Variants in ABR observed in about 807,000 individuals in gnomAD.
ABR encodes ABR activator of RhoGEF and GTPase, also known as active breakpoint cluster region-related protein.
A neutral mutation model predicts 107.2 loss-of-function variants in ABR; 35 were observed. The ratio of observed to expected loss-of-function variants is 0.33; its 90% CI spans 0.25 to 0.43. The LOEUF (loss-of-function observed/expected upper bound fraction) is 0.43. Among genes scored for constraint, ABR ranks in the 20% least tolerant of loss-of-function variants. The pLI is 1.00. For synonymous variants in ABR, 498 were observed against 462.0 expected, an observed-to-expected ratio of 1.08 and a Z score of -1.00; for missense variants, 815 against 1,115.2, an observed-to-expected ratio of 0.73 and a Z score of 3.83.
intron 1 of ABR, among the ~76,000 whole-genome samples, chr17:1,127,144 T>C (rs1336467061): frequency 6.6e-6 from 1 of 152,236 alleles, no homozygotes; most frequent in African/African-American, 2.4e-5. Flanking sequence ...TCCTCGTCCC[T>C]GAGCCAATGC....
At chr17:1,114,980 C>T (rs2038917327) in intron 2 of ABR, among the ~76,000 whole-genome samples, 1 of 152,186 alleles carries the variant, frequency 6.6e-6, no homozygotes, top group Non-Finnish European at 1.5e-5. Context: ...GACAAAATCT[C>T]TCTCTCGTGA....
rs973215790 is a variant in ABR, at chr17:1,148,621, G to A, written c.62-23254C>T. 7.9e-5 allele frequency among the ~76,000 whole-genome samples: 12 copies of A among 152,196 alleles called. No homozygotes were observed. Among genetic ancestry groups the A allele is most frequent in the African/African-American group, 2.7e-4 (11 of 41,450 alleles). On this transcript the variant is annotated intron_variant, in intron 1 of 22. Transcript: ENST00000302538. This position sits in a 1 kb window ranked among gnomAD's most constrained non-coding sequence, Gnocchi z 4.9. ...AGCGGCATTAGGTTCTCGTAGGAGC[G>A]TGAGCCCTGTCGTGATCTGCGCGTG...
intron 1 of ABR, among the ~76,000 whole-genome samples, chr17:1,175,080 T>C (rs1035384969): frequency 1.3e-5 from 2 of 152,150 alleles, no homozygotes; most frequent in Non-Finnish European, 2.9e-5. Flanking sequence ...GATACGTGTT[T>C]AGCAGAAAGG....
intron 3 of ABR, among the ~76,000 whole-genome samples, chr17:1,095,264 C>T (rs1024444325): frequency 4.6e-5 from 7 of 152,306 alleles, no homozygotes; most frequent in Admixed American, 1.3e-4. Context: ...CTTCCCACCC[C>T]GTCTGCAAAA....
Position 1,012,673 on chromosome 17 carries a change from C to CT in ABR, c.1961+14_1961+15insA. On this transcript the variant is annotated intron_variant, in intron 18 of 22. Transcript: ENST00000302538. ...GCACCGACGCCAGGACTGGGAGACCCGAGGCAGCACCTACTTCGTCACCAC... is the reference window on the plus strand; with the variant it reads ...GCACCGACGCCAGGACTGGGAGACCCTGAGGCAGCACCTACTTCGTCACCAC... 1 of 1,558,350 alleles carries CT rather than the reference C, an allele frequency of 6.4e-7. No individual in the cohort carries two copies. Among genetic ancestry groups the CT allele is most frequent in the Non-Finnish European group, 8.7e-7 (1 of 1,149,054 alleles).
At chr17:1,035,969 G>A (rs2073155373) in intron 16 of ABR, among the ~76,000 whole-genome samples, 1 of 151,972 alleles carries the variant, frequency 6.6e-6, no homozygotes, top group Admixed American at 6.5e-5. Context: ...TGTGCGAGCG[G>A]GAGGGGCAAA....
Position 1,111,982 on chromosome 17 carries a change from C to T in ABR, c.247-11247G>A, listed in dbSNP as rs114404441. Among the ~76,000 whole-genome samples, 166 of 152,368 alleles carry T rather than the reference C, an allele frequency of 1.1e-3. 1 individual carries two copies. Among genetic ancestry groups the T allele is most frequent in the African/African-American group, 3.8e-3 (158 of 41,582 alleles). On this transcript the variant is annotated intron_variant, in intron 2 of 22. Coordinates refer to ENST00000302538, the MANE Select transcript of ABR (RefSeq NM_021962.5). ...TTCCGGGTTTCCACTTCTGTTAGTG[C>T]GGCCGCCATCTTACGAGTCTTCCTT...
upstream of ABR, among the ~76,000 whole-genome samples, chr17:1,189,079 C>A (rs989082471): frequency 6.6e-6 from 1 of 152,186 alleles, no homozygotes; most frequent in Non-Finnish European, 1.5e-5. Flanking sequence ...CAGTCCGGTG[C>A]CAGGAGCTGG....
At chr17:1,046,410 A>ACAGGCG in intron 16 of ABR, among the ~76,000 whole-genome samples, 2 of 151,950 alleles carry the variant, frequency 1.3e-5, no homozygotes, top group African/African-American at 4.8e-5. Flanking sequence ...TGCTGGGATT[A>ACAGGCG]TGGGCGCGTG....
At chr17:1,017,738 G>A (rs1005610142) in intron 16 of ABR, among the ~76,000 whole-genome samples, 9 of 151,884 alleles carry the variant, frequency 5.9e-5, no homozygotes, top group African/African-American at 1.7e-4. Flanking sequence ...AAAGTGCTGG[G>A]ATTACAAGTG....
rs374400329 is a variant in ABR at position 1,208,212 on chromosome 17, G to C, written c.838+20581C>G. Among the ~76,000 whole-genome samples the C allele has an allele frequency of 1.7e-4, 26 of 152,254 alleles. No homozygotes were observed. The South Asian group carries it at 5.2e-3, about 30-fold the overall frequency. On this transcript the variant is annotated intron_variant, in intron 1 of 22. Transcript: ENST00000574139. ...CCCCAGATGAGTCCCTGGGTGGAAA[G>C]GAAATGGTGGATACTAGAACTTGTT... is the stretch of plus-strand genomic sequence containing the variant.
chr17:1,023,479 G>A (rs1044103288), intron 16 of ABR, among the ~76,000 whole-genome samples: 1 of 152,238 alleles, frequency 6.6e-6, no homozygotes, highest in African/African-American at 2.4e-5. Context: ...CCAGCCCAGG[G>A]CAGGTCGAGG....
chr17:1,052,378 G>A (rs111745312), intron 14 of ABR, among the ~76,000 whole-genome samples: 5 of 125,052 alleles, frequency 4.0e-5, no homozygotes, highest in Non-Finnish European at 6.9e-5. Flanking sequence ...TCCGGAAGGG[G>A]CTGGGGGAGG....
intron 2 of ABR, among the ~76,000 whole-genome samples, chr17:1,120,596 T>C (rs1009247736): frequency 1.3e-5 from 2 of 152,202 alleles, no homozygotes; most frequent in Non-Finnish European, 2.9e-5. Flanking sequence ...AGGATTTCAA[T>C]TCGCCTCCAC....
At position 1,219,948 on chromosome 17, in the gene ABR, G is replaced by GCCC. The variant is rs1420015768; in HGVS notation, c.838+8844_838+8845insGGG. ...TGACCTAGTGCTTTGCAGAGAGTAG[G>GCCC]TACTGGAGTATCTTTATACTCTAGT... On this transcript the variant is annotated intron_variant, in intron 1 of 22. Transcript: ENST00000574139. 8.8e-4 allele frequency among the ~76,000 whole-genome samples: 134 copies of GCCC among 151,638 alleles called. No homozygotes were observed. In the Middle Eastern group the frequency reaches 0.01, roughly 12 times the overall value.
intron 16 of ABR, among the ~76,000 whole-genome samples, chr17:1,041,314 A>G (rs1257336497): frequency 6.6e-6 from 1 of 152,232 alleles, no homozygotes; most frequent in African/African-American, 2.4e-5. Flanking sequence ...TCGTAAACAG[A>G]AACAAGTGAG....
chr17:1,016,429 G>C (rs374635085), intron 16 of ABR, among the ~76,000 whole-genome samples: 1 of 150,904 alleles, frequency 6.6e-6, no homozygotes, highest in South Asian at 2.1e-4. Context: ...TGATTCTCCT[G>C]CCTCAGCCTC....
chr17:1,096,580 C>T (rs1182329530), intron 3 of ABR, among the ~76,000 whole-genome samples: 2 of 152,160 alleles, frequency 1.3e-5, no homozygotes, highest in South Asian at 2.1e-4. Flanking sequence ...CTGAGCCCTC[C>T]TACCACAGAC....
chr17:1,111,329 CG>C (rs1429080266), intron 2 of ABR, among the ~76,000 whole-genome samples: 2 of 152,162 alleles, frequency 1.3e-5, no homozygotes, highest in African/African-American at 4.8e-5. Flanking sequence ...ACCCTGTCCC[CG>C]GTGGCTGGAA....
Sources: gnomAD v4.1 joint callset for allele counts (sites outside exome capture counted in the v4.1 genomes callset) on GRCh38, gnomAD v4.1.1 for gene constraint, Gnocchi (gnomAD v3.1) non-coding constraint, MANE v1.5 for transcripts, NCBI Gene and HGNC (gene_info 2026-07-23, HGNC 2026-07-21) for gene names.